Variants in CPNE4 observed in about 807,000 individuals in gnomAD.
CPNE4 encodes the protein copine-4.
Under a neutral mutation model 67.9 loss-of-function variants are expected in CPNE4, and 25 were observed. The ratio of observed to expected loss-of-function variants is 0.37; its 90% CI spans 0.27 to 0.51. The LOEUF (loss-of-function observed/expected upper bound fraction) is 0.51. Ranked by LOEUF, CPNE4 falls within the 20% of genes least tolerant of loss-of-function variation. The pLI is 0.93. For missense variants in CPNE4, 464 were observed against 690.8 expected (o/e 0.67, Z 3.68); for synonymous variants, 242 against 244.9 (o/e 0.99, Z 0.11).
intron 6 of CPNE4, among the ~76,000 whole-genome samples, chr3:131,676,311 G>T (rs1284701393): frequency 6.6e-6 from 1 of 151,856 alleles, no homozygotes; most frequent in Non-Finnish European, 1.5e-5. Context: ...TGCCTGCTTT[G>T]GCCCCCCAAA....
upstream of CPNE4, among the ~76,000 whole-genome samples, chr3:132,035,932 A>G (rs960318314): frequency 3.3e-5 from 5 of 152,142 alleles, no homozygotes; most frequent in Non-Finnish European, 7.4e-5. Context: ...CTATCTAACA[A>G]AGCCTCTCCA....
In CPNE4 at chr3:131,936,893, A is replaced by T. The variant is rs74668108; in HGVS notation, c.-1-31449T>A. Among the ~76,000 whole-genome samples, 1,042 of 152,012 alleles carry T rather than the reference A, an allele frequency of 6.9e-3. 11 individuals carry two copies. The highest frequency in any genetic ancestry group is 0.023 in the African/African-American group (975 of 41,530). On this transcript the variant is annotated intron_variant, in intron 1 of 15. Transcript: ENST00000429747. ...GGGAAAAAACCAGAGACAAAGGAGA[A>T]ATTTTAAAAGACACTAGAAGAGTAC...
At chr3:132,035,193 T>G (rs2074319144), upstream of CPNE4, 1 of 269,782 alleles carries the variant, frequency 3.7e-6, no homozygotes, top group East Asian at 1.8e-4. Context: ...GGCTTTCTGC[T>G]CAGCTTTGTC....
chr3:131,880,365 CGACCTCCCA>C (rs1222892219), intron 2 of CPNE4, among the ~76,000 whole-genome samples: 1 of 152,026 alleles, frequency 6.6e-6, no homozygotes, highest in Non-Finnish European at 1.5e-5. Context: ...TACGCCCGCC[CGACCTCCCA>C]AAGTGCTGGG....
At chr3:131,869,441 G>T (rs138161232) in intron 2 of CPNE4, among the ~76,000 whole-genome samples, 13 of 152,196 alleles carry the variant, frequency 8.5e-5, no homozygotes, top group African/African-American at 3.1e-4. Context: ...CTTAGTATAT[G>T]AATGGCACCT....
At chr3:132,029,971 T>C (rs1471994043) in intron 1 of CPNE4, among the ~76,000 whole-genome samples, 1 of 152,230 alleles carries the variant, frequency 6.6e-6, no homozygotes, top group Non-Finnish European at 1.5e-5. Context: ...TTACAGAACA[T>C]GCACATTAAC....
chr3:131,867,693 G>A (rs1344375722), intron 2 of CPNE4, among the ~76,000 whole-genome samples: 2 of 152,168 alleles, frequency 1.3e-5, no homozygotes, highest in Non-Finnish European at 1.5e-5. Flanking sequence ...GCAATGGACA[G>A]GATATTGAAT....
At chr3:131,758,554 C>G (rs1025283505) in intron 2 of CPNE4, among the ~76,000 whole-genome samples, 2 of 152,064 alleles carry the variant, frequency 1.3e-5, no homozygotes, top group African/African-American at 4.8e-5. Flanking sequence ...AGACTTTGGA[C>G]TGTGGATTTT....
intron 1 of CPNE4, among the ~76,000 whole-genome samples, chr3:132,024,943 T>G (rs1489737816): frequency 6.6e-6 from 1 of 152,200 alleles, no homozygotes; most frequent in Non-Finnish European, 1.5e-5. Flanking sequence ...AGGCACTGGT[T>G]CCCAAAGTGT....
intron 5 of CPNE4, among the ~76,000 whole-genome samples, chr3:131,691,312 A>G (rs545583816): frequency 6.6e-6 from 1 of 152,322 alleles, no homozygotes; most frequent in East Asian, 1.9e-4. Flanking sequence ...CTAGGTGCCA[A>G]TCAACATTGA....
In CPNE4 at chr3:131,916,439, G is replaced by A. The variant is rs146331794; in HGVS notation, c.-1-10995C>T. ...TATGAAGCCAGAAGCCAGTTTACTT[G>A]AGAAAGCATGATAACTGATCTACTT... On this transcript the variant is annotated intron_variant, in intron 1 of 15. Transcript: ENST00000429747. 2.8e-3 allele frequency among the ~76,000 whole-genome samples: 423 copies of A among 151,876 alleles called. 4 individuals carry two copies. The highest frequency in any genetic ancestry group is 9.9e-3 in the African/African-American group (409 of 41,396).
At chr3:131,627,193 C>CAAAAAAAAAAAA (rs57977015) in intron 7 of CPNE4, among the ~76,000 whole-genome samples, 15 of 68,274 alleles carry the variant, frequency 2.2e-4, no homozygotes, top group South Asian at 5.6e-4. Context: ...GACTCCATCT[C>CAAAAAAAAAAAA]AAAAAAAAAA....
chr3:132,027,625 G>A (rs956490924), intron 1 of CPNE4, among the ~76,000 whole-genome samples: 1 of 152,038 alleles, frequency 6.6e-6, no homozygotes, highest in Admixed American at 6.6e-5. Flanking sequence ...GCCAGATAAC[G>A]TTAACACACA....
At chr3:132,018,237 G>A (rs1028170374) in intron 1 of CPNE4, among the ~76,000 whole-genome samples, 1 of 152,194 alleles carries the variant, frequency 6.6e-6, no homozygotes, top group African/African-American at 2.4e-5. Flanking sequence ...GGAAAAGAAG[G>A]TGTATGCTTT....
At chr3:131,965,534 A>G (rs1441854934) in intron 1 of CPNE4, among the ~76,000 whole-genome samples, 1 of 151,768 alleles carries the variant, frequency 6.6e-6, no homozygotes, top group African/African-American at 2.4e-5. Context: ...AGGAATATTT[A>G]CTAAGCAAAT....
At chr3:131,663,948 A>G (rs1286772531) in intron 7 of CPNE4, among the ~76,000 whole-genome samples, 5 of 152,082 alleles carry the variant, frequency 3.3e-5, no homozygotes, top group Non-Finnish European at 5.9e-5. Flanking sequence ...TCTCTCCTAC[A>G]TAAGGCATGG....
At chr3:131,620,637 C>T (rs909588943) in intron 7 of CPNE4, 1 of 182,212 alleles carries the variant, frequency 5.5e-6, no homozygotes, top group Non-Finnish European at 1.0e-5. Flanking sequence ...CCAGATTATC[C>T]AGGTGGGCCC....
chr3:131,930,398 C>T (rs1339635893), intron 1 of CPNE4, among the ~76,000 whole-genome samples: 1 of 151,986 alleles, frequency 6.6e-6, no homozygotes, highest in Non-Finnish European at 1.5e-5. Flanking sequence ...GGGGAACGTA[C>T]ACCCTGACCT....
At position 131,792,680 on chromosome 3, in the gene CPNE4, C is replaced by T. The variant is rs1257730873; in HGVS notation, c.181-69055G>A. ...ACACACGTGTATATATACATATATACACACGTGTATATATACATATACACA... is the reference window on the plus strand; with the variant it reads ...ACACACGTGTATATATACATATATATACACGTGTATATATACATATACACA... On this transcript the variant is annotated intron_variant, in intron 2 of 15. Coordinates refer to ENST00000429747, the MANE Select transcript of CPNE4 (RefSeq NM_130808.3). Among the ~76,000 whole-genome samples, 21 of 47,140 alleles carry T rather than the reference C, an allele frequency of 4.5e-4. 2 individuals carry two copies. Among genetic ancestry groups the T allele is most frequent in the African/African-American group, 1.2e-3 (13 of 10,472 alleles). 30.9% of individuals were successfully genotyped at this position (47,140 alleles called of 152,430 possible). A position where few individuals can be genotyped will look rare whatever the true frequency, so the allele number is the denominator to read the frequency against.
Sources: allele counts gnomAD v4.1 joint callset (sites outside exome capture counted in the v4.1 genomes callset), GRCh38; gene constraint gnomAD v4.1.1; transcripts MANE v1.5; gene names NCBI Gene and HGNC (gene_info 2026-07-23, HGNC 2026-07-21).